The following ARMC10 variants were observed in gnomAD, a reference collection of about 807,000 sequenced individuals.
ARMC10 encodes the protein armadillo repeat-containing protein 10.
ARMC10 carries 23 observed loss-of-function variants against 30.2 expected under a neutral mutation model. That is an observed-to-expected ratio of 0.76 (90% CI 0.55 to 1.08). The LOEUF (loss-of-function observed/expected upper bound fraction) is 1.08. Ranked by LOEUF, ARMC10 falls within the 50% of genes least tolerant of loss-of-function variation. The probability of loss-of-function intolerance (pLI) is 0.00; values close to 1 mark genes in which losing one functional copy is unlikely to be tolerated. For missense variants in ARMC10, 303 were observed against 413.7 expected (o/e 0.73, Z 2.32); for synonymous variants, 111 against 164.4 (o/e 0.68, Z 2.48).
At chr7:103,089,789 C>A (rs1022723693) in intron 4 of ARMC10, among the ~76,000 whole-genome samples, 1 of 152,136 alleles carries the variant, frequency 6.6e-6, no homozygotes, top group Non-Finnish European at 1.5e-5. Flanking sequence ...ATAATGTCAG[C>A]AGAAAAATGC....
Position 103,097,071 on chromosome 7 carries a change from A to G in ARMC10, c.706-206A>G, listed in dbSNP as rs1801816915. 3 of 585,414 alleles carry G rather than the reference A, an allele frequency of 5.1e-6. No homozygotes were observed. In the East Asian group the frequency reaches 8.3e-5, roughly 16 times the overall value. The allele number at this position is 585,414 out of a possible 1,614,324, so 36.3% of individuals were successfully genotyped here. Reference sequence around the variant, plus strand: ...ACACTGTTCTATGATAGGTTCTCTAAGAGTGCTGCCAAGTGTTATAAGAGT... The same window carrying G: ...ACACTGTTCTATGATAGGTTCTCTAGGAGTGCTGCCAAGTGTTATAAGAGT... On this transcript the variant is annotated intron_variant, in intron 5 of 6. Coordinates refer to ENST00000323716, the MANE Select transcript of ARMC10 (RefSeq NM_031905.5).
Position 103,075,779 on chromosome 7 carries a change from G to A in ARMC10, c.142G>A (p.Ala48Thr). Reference protein sequence around the residue: ...LGIRSSKSAGALEEGTSEGQL... With the variant: ...LGIRSSKSAGTLEEGTSEGQL... ...CATAGGTCAATCTCTGCTTGCAGGT[G>A]CCCTGGAAGAAGGGACGTCAGAGGG... The change falls in exon 2 of 7, where the codon GCC becomes ACC. Residue 48 changes from alanine (A) to threonine (T), a missense_variant and splice_region_variant. By Grantham distance (58) the Ala-to-Thr change is moderately conservative. Transcript: ENST00000323716. 4.4e-6 allele frequency: 7 copies of A among 1,606,468 alleles called. No individual in the cohort carries two copies. Among genetic ancestry groups the A allele is most frequent in the African/African-American group, 1.3e-5 (1 of 74,946 alleles).
At chr7:103,088,481 G>A (rs937780274) in intron 4 of ARMC10, among the ~76,000 whole-genome samples, 2 of 151,732 alleles carry the variant, frequency 1.3e-5, no homozygotes, top group East Asian at 3.9e-4. Context: ...TGAAATAGAA[G>A]GTAAAAAAAA....
At chr7:103,078,142 C>T (rs1013784268) in intron 2 of ARMC10, among the ~76,000 whole-genome samples, 1 of 152,134 alleles carries the variant, frequency 6.6e-6, no homozygotes, top group Non-Finnish European at 1.5e-5. Flanking sequence ...ATGACAGGTA[C>T]ACACCATGTG....
At chr7:103,092,392 C>A in intron 4 of ARMC10, 85 bp from the exon 5 acceptor site, 2 of 839,010 alleles carry the variant, frequency 2.4e-6, no homozygotes, top group Non-Finnish European at 1.8e-6. Context: ...TGAGCAGTAG[C>A]CCTACTCCAC....
At chr7:103,086,390 T>C (rs1800853101) in intron 3 of ARMC10, among the ~76,000 whole-genome samples, 1 of 152,164 alleles carries the variant, frequency 6.6e-6, no homozygotes, top group Non-Finnish European at 1.5e-5. Flanking sequence ...ATTGTATTTC[T>C]CAACATTGTA....
intron 4 of ARMC10, among the ~76,000 whole-genome samples, chr7:103,089,947 G>A (rs1317904859): frequency 6.6e-6 from 1 of 152,180 alleles, no homozygotes; most frequent in East Asian, 1.9e-4. Context: ...TGTAAGTCAA[G>A]GCAGAACATA....
chr7:103,086,415 A>G (rs1488670418), intron 3 of ARMC10, among the ~76,000 whole-genome samples: 1 of 152,140 alleles, frequency 6.6e-6, no homozygotes, highest in African/African-American at 2.4e-5. Context: ...AAATAATTAT[A>G]TATCTTAATA....
At chr7:103,095,414 G>A (rs1010532609) in intron 5 of ARMC10, among the ~76,000 whole-genome samples, 1 of 152,150 alleles carries the variant, frequency 6.6e-6, no homozygotes, top group Non-Finnish European at 1.5e-5. Flanking sequence ...ACACTTAATC[G>A]TGATCATTTC....
intron 2 of ARMC10, among the ~76,000 whole-genome samples, chr7:103,076,829 T>C (rs1440012798): frequency 9.7e-6 from 1 of 103,454 alleles, no homozygotes; most frequent in Admixed American, 1.3e-4. Context: ...AGCAAGATTC[T>C]GTCTCAAAAA....
chr7:103,084,902 G>A (rs1212336709), intron 3 of ARMC10, among the ~76,000 whole-genome samples: 5 of 152,176 alleles, frequency 3.3e-5, no homozygotes, highest in Admixed American at 2.6e-4. Context: ...GATCAGTCGA[G>A]GGACCATGGC....
chr7:103,096,612 A>G (rs1479294891), intron 5 of ARMC10: 5 of 152,424 alleles, frequency 3.3e-5, no homozygotes, highest in South Asian at 1.9e-4. Context: ...GGGTCTCACT[A>G]TATTGCCCAG....
chr7:103,083,416 T>C (rs572015678), intron 2 of ARMC10, among the ~76,000 whole-genome samples: 1 of 152,152 alleles, frequency 6.6e-6, no homozygotes, highest in Non-Finnish European at 1.5e-5. Flanking sequence ...GTTAGAAGTT[T>C]GAGACCAGCC....
At chr7:103,078,173 T>C (rs1391966204) in intron 2 of ARMC10, among the ~76,000 whole-genome samples, 1 of 152,258 alleles carries the variant, frequency 6.6e-6, no homozygotes, top group South Asian at 2.1e-4. Flanking sequence ...TTTTTTTGTA[T>C]TTTTAGTAGA....
intron 2 of ARMC10, among the ~76,000 whole-genome samples, chr7:103,082,659 A>AC: frequency 6.6e-6 from 1 of 152,286 alleles, no homozygotes; most frequent in Admixed American, 6.5e-5. Flanking sequence ...AAGAAAAAAC[A>AC]CAGATTTGAG....
chr7:103,094,655 G>T (rs990737417), intron 5 of ARMC10, among the ~76,000 whole-genome samples: 3 of 152,144 alleles, frequency 2.0e-5, no homozygotes, highest in African/African-American at 4.8e-5. Flanking sequence ...GGAGCCAGGT[G>T]TTTTTTTCCT....
intron 2 of ARMC10, among the ~76,000 whole-genome samples, chr7:103,078,641 AGAT>A (rs1303442391): frequency 6.6e-6 from 1 of 152,140 alleles, no homozygotes; most frequent in Non-Finnish European, 1.5e-5. Context: ...AGATTTCAGA[AGAT>A]GATCTTTTGT....
chr7:103,090,693 C>T (rs370357986), intron 4 of ARMC10, among the ~76,000 whole-genome samples: 3 of 148,306 alleles, frequency 2.0e-5, no homozygotes, highest in African/African-American at 7.6e-5. Context: ...TATGGGGTCT[C>T]ACCGTGTTGA....
At chr7:103,094,247 TAAACTGTGTGCTTGTTACATCCTC>T (rs1801585676) in intron 5 of ARMC10, among the ~76,000 whole-genome samples, 1 of 152,200 alleles carries the variant, frequency 6.6e-6, no homozygotes, top group Admixed American at 6.5e-5. Context: ...AGGATTAACA[TAAACTGTGTGCTTGTTACATCCTC>T]AATGAAAACA....
Sources: gnomAD v4.1 joint callset for allele counts (sites outside exome capture counted in the v4.1 genomes callset) on GRCh38, gnomAD v4.1.1 for gene constraint, MANE v1.5 for transcripts, NCBI Gene and HGNC (gene_info 2026-07-23, HGNC 2026-07-21) for gene names.